The following PKD1 variants were observed in gnomAD, a reference collection of about 807,000 sequenced individuals.
PKD1 encodes polycystin 1, transient receptor potential channel interacting.
A neutral mutation model predicts 361.7 loss-of-function variants in PKD1; 81 were observed. The observed-to-expected ratio is 0.22, with a 90% CI of 0.19 to 0.27. The LOEUF (loss-of-function observed/expected upper bound fraction) is 0.27, where lower values mean the gene tolerates loss of function less well. PKD1 is among the 10% of genes least tolerant of loss of function. The pLI, the probability that PKD1 is intolerant of heterozygous loss-of-function variation, is 1.00. For synonymous variants in PKD1, 3,615 were observed against 2,818.3 expected, an observed-to-expected ratio of 1.28 and a Z score of -8.95; for missense variants, 6,399 against 6,118.3, an observed-to-expected ratio of 1.05 and a Z score of -1.53.
intron 1 of PKD1, among the ~76,000 whole-genome samples, chr16:2,124,870 G>A (rs1326909893): frequency 1.3e-5 from 2 of 152,196 alleles, no homozygotes; most frequent in Admixed American, 6.5e-5. Flanking sequence ...AGGACAGGAC[G>A]CCAGACCCAG....
chr16:2,108,863 C>T lies in PKD1; in HGVS notation c.6304G>A (p.Gly2102Arg). The change falls in exon 15 of 46, where the codon GGG becomes AGG. Residue 2102 changes from glycine (G) to arginine (R), a missense_variant. Gly to Arg is a moderately radical substitution (Grantham distance 125). Transcript: ENST00000262304. ...YHWDFGDGSPGQDTDEPRAEH... is the reference protein window; with the variant it reads ...YHWDFGDGSPRQDTDEPRAEH... ...GCCCTGGGCTCATCTGTGTCCTGCC[C>T]TGGCGACCCATCCCCAAAGTCCCAG... 1 of 1,576,406 alleles carries T rather than the reference C, an allele frequency of 6.3e-7. No homozygotes were observed. Among genetic ancestry groups the T allele is most frequent in the South Asian group, 1.2e-5 (1 of 86,828 alleles).
intron 30 of PKD1, chr16:2,098,714 G>A (rs529973541): frequency 9.6e-5 from 14 of 145,680 alleles, no homozygotes; most frequent in African/African-American, 2.2e-4. Flanking sequence ...AATGGGAAGC[G>A]TTCCCACCTG....
In PKD1 at chr16:2,117,569, C is replaced by T; in HGVS notation, c.1305G>A (p.Gln435=). 6.2e-7 allele frequency: 1 copy of T among 1,606,848 alleles called. No homozygotes were observed. The highest frequency in any genetic ancestry group is 2.2e-5 in the East Asian group (1 of 44,680). ...EKAAWLQAQE[Q]CQAWAGAALA... Reference sequence around the variant, plus strand: ...GGGCGGCCCCGGCCCAGGCCTGACACTGCTCCTGCGCCTGCAGCCAGGCCG... The same window carrying T: ...GGGCGGCCCCGGCCCAGGCCTGACATTGCTCCTGCGCCTGCAGCCAGGCCG... Residue 435 remains glutamine, a synonymous_variant, in exon 6 of 46, where the codon CAG becomes CAA. Coordinates refer to ENST00000262304, the MANE Select transcript of PKD1 (RefSeq NM_001009944.3).
intron 34 of PKD1, chr16:2,096,732 G>C (rs2091863781): frequency 4.9e-6 from 1 of 202,676 alleles, no homozygotes; most frequent in Non-Finnish European, 1.0e-5. Flanking sequence ...GGCCAGGCTG[G>C]TCTCGAACTG....
intron 1 of PKD1, among the ~76,000 whole-genome samples, chr16:2,125,879 CCTGATGGGCACA>C (rs1227715680): frequency 6.6e-6 from 1 of 152,202 alleles, no homozygotes; most frequent in Non-Finnish European, 1.5e-5. Flanking sequence ...ACCTTACGCT[CCTGATGGGCACA>C]CTGAGGCTCA....
At position 2,109,881 on chromosome 16, in the gene PKD1, G is replaced by C. The variant is rs752443497; in HGVS notation, c.5286C>G (p.Thr1762=). 1 of 1,610,678 alleles carries C rather than the reference G, an allele frequency of 6.2e-7. No individual in the cohort carries two copies. The highest frequency in any genetic ancestry group is 8.5e-7 in the Non-Finnish European group (1 of 1,179,824). The stretch of plus-strand genomic sequence containing the variant: ...AGCTATGGGTGGTAAATGGCTCGGA[G>C]GTCTCCCAGCTCAGCCCCTCCTCCA... ...WSLEEGLSWE[T]SEPFTTHSFP... Residue 1762 remains threonine, a synonymous_variant, in exon 15 of 46, where the codon ACC becomes ACG. Transcript: ENST00000262304.
At chr16:2,115,725 C>CA in intron 9 of PKD1, 100 bp from the exon 10 acceptor site, 1 of 1,183,066 alleles carries the variant, frequency 8.5e-7, no homozygotes, top group Non-Finnish European at 1.2e-6. Flanking sequence ...GCTGTGAGGA[C>CA]AGGTCTCCCC....
rs1193270207 is a variant in PKD1, at chr16:2,100,850, C to G, written c.9398-284G>C. ...TCCACACCACAACCAGTGACCCGCA[C>G]TGCACACCTGTCCACGCCTCAGTCA... is the stretch of plus-strand genomic sequence containing the variant. On this transcript the variant is annotated intron_variant, in intron 26 of 45. Transcript: ENST00000262304. The surrounding 1 kb of genome is among the most constrained non-coding windows in gnomAD (Gnocchi z 4.4). 4 of 511,944 alleles carry G rather than the reference C, an allele frequency of 7.8e-6. No homozygotes were observed. Among genetic ancestry groups the G allele is most frequent in the African/African-American group, 1.9e-5 (1 of 51,772 alleles). The allele number at this position is 511,944 out of a possible 1,614,324, so 31.7% of individuals were successfully genotyped here.
rs2091340186 is a variant in PKD1 at position 2,089,374 on chromosome 16, C to CTGT, written c.*352_*353insACA. On this transcript the variant is annotated 3_prime_UTR_variant, in exon 46 of 46. Coordinates refer to ENST00000262304, the MANE Select transcript of PKD1 (RefSeq NM_001009944.3). ...GCAGGGTGGCGGCGGTGCAGGCTAA[C>CTGT]CCTCCCTGAAGCCAGCAGCCTTAGC... is the stretch of plus-strand genomic sequence containing the variant. The CTGT allele has an allele frequency of 2.5e-6, 1 of 394,104 alleles. No individual in the cohort carries two copies. Among genetic ancestry groups the CTGT allele is most frequent in the Admixed American group, 4.1e-5 (1 of 24,440 alleles). The allele number at this position is 394,104 out of a possible 1,614,324, so 24.4% of individuals were successfully genotyped here. A position where few individuals can be genotyped will look rare whatever the true frequency, so the allele number is the denominator to read the frequency against.
Position 2,108,259 on chromosome 16 carries a change from G to A in PKD1, c.6908C>T (p.Ser2303Leu), listed in dbSNP as rs143021666. The change falls in exon 15 of 46, where the codon TCG (serine) becomes TTG (leucine). Residue 2303 changes from serine to leucine, a missense_variant. By Grantham distance (145) the Ser-to-Leu change is moderately radical. Coordinates refer to ENST00000262304, the MANE Select transcript of PKD1 (RefSeq NM_001009944.3). ...PLSFHWACVASTQREAGGCAL... is the reference protein window; with the variant it reads ...PLSFHWACVALTQREAGGCAL... ...GCCCTGCCACGCACTGACCTGTGTCGAAGCCACACAGGCCCAGTGGAAACT... is the reference window on the plus strand; with the variant it reads ...GCCCTGCCACGCACTGACCTGTGTCAAAGCCACACAGGCCCAGTGGAAACT... The A allele has an allele frequency of 2.1e-5, 33 of 1,598,814 alleles. No individual in the cohort carries two copies. Among genetic ancestry groups the A allele is most frequent in the East Asian group, 4.5e-5 (2 of 44,610 alleles).
intron 11 of PKD1, chr16:2,113,633 G>A (rs1020773291): frequency 5.2e-5 from 22 of 423,926 alleles, no homozygotes; most frequent in Non-Finnish European, 7.9e-5. Context: ...CAGAGAGCTC[G>A]GAGCAGTGAG....
In PKD1 at chr16:2,090,308, T is replaced by A; in HGVS notation, c.12421A>T (p.Met4141Leu). The change falls in exon 45 of 46, where the codon ATG becomes TTG. Residue 4141 changes from methionine (M) to leucine (L), a missense_variant. Met to Leu is a conservative substitution (Grantham distance 15). Coordinates refer to ENST00000262304, the MANE Select transcript of PKD1 (RefSeq NM_001009944.3). The stretch of plus-strand genomic sequence containing the variant: ...ACCTCCTTGACCTTGCTGAGGCCCA[T>A]CCAGAGGCGCAGCCTGCGCAGGAAC... ...ELFLRRLRLW[M>L]GLSKVKEFRH... The A allele has an allele frequency of 6.2e-7, 1 of 1,611,174 alleles. No individual in the cohort carries two copies. The highest frequency in any genetic ancestry group is 1.1e-5 in the South Asian group (1 of 90,994).
rs561489343 is a variant in PKD1 at position 2,089,493 on chromosome 16, C to T, written c.*234G>A. The T allele has an allele frequency of 3.3e-5, 19 of 578,072 alleles. No homozygotes were observed. The highest frequency in any genetic ancestry group is 2.8e-4 in the South Asian group (13 of 45,674). 35.8% of individuals were successfully genotyped at this position (578,072 alleles called of 1,614,324 possible). Reference sequence around the variant, plus strand: ...AATTAGCATCTCAGAGGCTAGAAACCGTCCAATACTGCTGTGTCCTTCCCA... The same window carrying T: ...AATTAGCATCTCAGAGGCTAGAAACTGTCCAATACTGCTGTGTCCTTCCCA... On this transcript the variant is annotated 3_prime_UTR_variant, in exon 46 of 46. Transcript: ENST00000262304.
chr16:2,091,789 C>A lies in PKD1; in HGVS notation c.11529G>T (p.Leu3843=), dbSNP rs762777473. 6.2e-7 allele frequency: 1 copy of A among 1,610,824 alleles called. No homozygotes were observed. Among genetic ancestry groups the A allele is most frequent in the East Asian group, 2.2e-5 (1 of 44,808 alleles). The change falls in exon 41 of 46, where the codon CTG becomes CTT. Residue 3843 remains leucine, a synonymous_variant. Coordinates refer to ENST00000262304, the MANE Select transcript of PKD1 (RefSeq NM_001009944.3). ...RLRFLQLHNW[L]DNRSRAVFLE... ...GGGGAGGGAGCTCCCACCTGTTGTC[C>A]AGCCAGTTGTGCAGCTGCAGGAAGC...
rs770494052 is a variant in PKD1 at position 2,094,220 on chromosome 16, A to G, written c.10500-10T>C. ...CCCAGGAGTGCTGGACCTGAGGGAC[A>G]TGGTAGGCTGTGAATTCATCCCGGC... On this transcript the variant is annotated splice_polypyrimidine_tract_variant and intron_variant, in intron 34 of 45. Transcript: ENST00000262304. The G allele has an allele frequency of 3.9e-6, 6 of 1,524,296 alleles. No individual in the cohort carries two copies. Among genetic ancestry groups the G allele is most frequent in the South Asian group, 1.1e-5 (1 of 88,632 alleles). The allele number at this position is 1,524,296 out of a possible 1,614,324, so 94.4% of individuals were successfully genotyped here.
intron 1 of PKD1, among the ~76,000 whole-genome samples, chr16:2,130,241 T>A (rs2151848738): frequency 6.6e-6 from 1 of 152,204 alleles, no homozygotes; most frequent in South Asian, 2.1e-4. Context: ...AGGATGCAGG[T>A]CCTCACCACT....
chr16:2,097,983 A>C lies in PKD1; in HGVS notation c.10052T>G (p.Val3351Gly), dbSNP rs780176792. The change falls in exon 31 of 46, where the codon GTG (valine) becomes GGG (glycine). Residue 3351 changes from valine to glycine, a missense_variant and splice_region_variant. Physicochemically the swap from Val to Gly is moderately radical, Grantham distance 109 (BLOSUM62 -3). Transcript: ENST00000262304. ...LFLFRMSRSK[V>G]AGSPSPTPAG... ...AGGTGTGGGGCTCGGGCTCCCAGCC[A>C]CCTGCAGGACGAGGGCAGTGGTCAG... 6.4e-7 allele frequency: 1 copy of C among 1,564,002 alleles called. No individual in the cohort carries two copies. The highest frequency in any genetic ancestry group is 1.4e-5 in the African/African-American group (1 of 74,008).
At position 2,097,469 on chromosome 16, in the gene PKD1, T is replaced by C. The variant is rs914151219; in HGVS notation, c.10255A>G (p.Ser3419Gly). 1.8e-5 allele frequency: 29 copies of C among 1,603,874 alleles called. No homozygotes were observed. Among genetic ancestry groups the C allele is most frequent in the Non-Finnish European group, 2.4e-5 (28 of 1,179,890 alleles). Reference sequence around the variant, plus strand: ...GGGTCACTGAGCAGGTCCGGCCAACTGAGCGTTCCCTCGCCGGAGGGCCAG... The same window carrying C: ...GGGTCACTGAGCAGGTCCGGCCAACCGAGCGTTCCCTCGCCGGAGGGCCAG... ...VCWPSGEGTL[S>G]WPDLLSDPSI... Residue 3419 changes from serine (S) to glycine (G), a missense_variant, in exon 33 of 46, where the codon AGT becomes GGT. Physicochemically the swap from Ser to Gly is moderately conservative, Grantham distance 56 (BLOSUM62 0). Coordinates refer to ENST00000262304, the MANE Select transcript of PKD1 (RefSeq NM_001009944.3).
At chr16:2,121,359 G>A (rs1243533611) in intron 1 of PKD1, among the ~76,000 whole-genome samples, 2 of 151,054 alleles carry the variant, frequency 1.3e-5, no homozygotes, top group Non-Finnish European at 2.9e-5. Flanking sequence ...CAAGAGTGAA[G>A]CTCCATCTCA....
Sources: gnomAD v4.1 joint callset for allele counts (sites outside exome capture counted in the v4.1 genomes callset) on GRCh38, gnomAD v4.1.1 for gene constraint, Gnocchi (gnomAD v3.1) non-coding constraint, MANE v1.5 for transcripts, NCBI Gene and HGNC (gene_info 2026-07-23, HGNC 2026-07-21) for gene names.